DIS3L2: variants seen among roughly 807,000 people sequenced by gnomAD.
DIS3L2 encodes DIS3 like 3'-5' exoribonuclease 2, also known as DIS3-like exonuclease 2.
Under a neutral mutation model 97.5 loss-of-function variants are expected in DIS3L2, and 34 were observed. The observed-to-expected ratio is 0.35, with a 90% confidence interval of 0.27 to 0.46. The LOEUF (loss-of-function observed/expected upper bound fraction) is 0.46. Ranked by LOEUF, DIS3L2 falls within the 20% of genes least tolerant of loss-of-function variation. DIS3L2 has a pLI of 1.00. For synonymous variants in DIS3L2, 435 were observed against 445.2 expected, an observed-to-expected ratio of 0.98 and a Z score of 0.29; for missense variants, 1,038 against 1,146.0, an observed-to-expected ratio of 0.91 and a Z score of 1.36.
intron 13 of DIS3L2, among the ~76,000 whole-genome samples, chr2:232,294,825 C>T (rs1006461375): frequency 1.3e-5 from 2 of 152,104 alleles, no homozygotes; most frequent in African/African-American, 2.4e-5. Context: ...AGGGCTCTTG[C>T]GAGGATTAAA....
chr2:232,301,926 G>T, intron 14 of DIS3L2, among the ~76,000 whole-genome samples: 1 of 145,116 alleles, frequency 6.9e-6, no homozygotes, highest in Non-Finnish European at 1.5e-5. Context: ...CCATCCTCTT[G>T]CCTCAGCCTT....
At chr2:232,259,219 G>A (rs1276440059) in intron 12 of DIS3L2, among the ~76,000 whole-genome samples, 1 of 152,000 alleles carries the variant, frequency 6.6e-6, no homozygotes, top group Non-Finnish European at 1.5e-5. Context: ...TCTCCAATTT[G>A]GTGGTGTTCC....
At chr2:232,188,578 A>G (rs1394905562) in intron 9 of DIS3L2, among the ~76,000 whole-genome samples, 2 of 152,254 alleles carry the variant, frequency 1.3e-5, no homozygotes, top group African/African-American at 4.8e-5. Flanking sequence ...AAGTTAACTC[A>G]AAATGGGTCA....
At chr2:232,340,988 C>A, downstream of DIS3L2, 1 of 466,374 alleles carries the variant, frequency 2.1e-6, no homozygotes, top group Non-Finnish European at 4.4e-6. Flanking sequence ...GGTGAGAAAG[C>A]CATCGTGAAA....
At chr2:232,202,237 A>C (rs1691912030) in intron 9 of DIS3L2, among the ~76,000 whole-genome samples, 1 of 152,164 alleles carries the variant, frequency 6.6e-6, no homozygotes, top group Non-Finnish European at 1.5e-5. Flanking sequence ...ATCTCTACTA[A>C]AAATGCAAAA....
At chr2:232,139,597 T>C (rs1698455472) in intron 8 of DIS3L2, among the ~76,000 whole-genome samples, 2 of 152,148 alleles carry the variant, frequency 1.3e-5, no homozygotes, top group African/African-American at 4.8e-5. Flanking sequence ...GGCTTATCTC[T>C]TTGAGTTCTA....
intron 3 of DIS3L2, among the ~76,000 whole-genome samples, chr2:232,019,454 A>G (rs1694451903): frequency 6.6e-6 from 1 of 152,066 alleles, no homozygotes; most frequent in South Asian, 2.1e-4. Flanking sequence ...AGGCTGAGGC[A>G]GGAGGATCGC....
At chr2:232,012,104 A>G (rs1694216884) in intron 1 of DIS3L2, among the ~76,000 whole-genome samples, 2 of 151,992 alleles carry the variant, frequency 1.3e-5, no homozygotes, top group Admixed American at 1.3e-4. Context: ...TTCTTCCCCC[A>G]TTCTTTGCTG....
chr2:232,141,358 A>G (rs1690034220), intron 8 of DIS3L2, among the ~76,000 whole-genome samples: 1 of 152,194 alleles, frequency 6.6e-6, no homozygotes, highest in South Asian at 2.1e-4. Context: ...TGAGGAACTT[A>G]ATAGTGTTTC....
At chr2:232,283,841 A>G (rs1163126884) in intron 13 of DIS3L2, among the ~76,000 whole-genome samples, 1 of 152,148 alleles carries the variant, frequency 6.6e-6, no homozygotes, top group Non-Finnish European at 1.5e-5. Flanking sequence ...GACAGTCTGT[A>G]TGTAGATTGC....
intron 9 of DIS3L2, among the ~76,000 whole-genome samples, chr2:232,177,069 T>C (rs1691187906): frequency 6.8e-6 from 1 of 147,622 alleles, no homozygotes; most frequent in Non-Finnish European, 1.5e-5. Context: ...GGTTTTTTGT[T>C]CTTGCGATAG....
intron 12 of DIS3L2, among the ~76,000 whole-genome samples, chr2:232,253,571 C>G (rs1226512770): frequency 1.3e-5 from 2 of 151,908 alleles, no homozygotes; most frequent in East Asian, 3.9e-4. Context: ...AAAAGTAACA[C>G]TTAGTATTTA....
chr2:232,132,448 A>G (rs151062582), intron 7 of DIS3L2, among the ~76,000 whole-genome samples: 71 of 152,316 alleles, frequency 4.7e-4, no homozygotes, highest in African/African-American at 1.5e-3. Context: ...CCCTGGAAAA[A>G]ACAAGAGGCA....
chr2:232,094,959 T>C (rs866909949), intron 6 of DIS3L2, among the ~76,000 whole-genome samples: 1 of 152,170 alleles, frequency 6.6e-6, no homozygotes, highest in Admixed American at 6.5e-5. Flanking sequence ...TTATCTGATA[T>C]TAATATAGGT....
At chr2:232,041,434 T>G (rs1015498170) in intron 5 of DIS3L2, among the ~76,000 whole-genome samples, 1 of 152,168 alleles carries the variant, frequency 6.6e-6, no homozygotes, top group Non-Finnish European at 1.5e-5. Context: ...TGTTTTGTTA[T>G]AAGCAGAGTG....
chr2:231,985,071 T>G (rs1427813183), intron 1 of DIS3L2, among the ~76,000 whole-genome samples: 3 of 152,238 alleles, frequency 2.0e-5, no homozygotes, highest in Admixed American at 2.0e-4. Flanking sequence ...TTATTCACAT[T>G]CTACCATTTT....
chr2:232,071,213 G>C (rs1696006984), intron 5 of DIS3L2, among the ~76,000 whole-genome samples: 3 of 152,174 alleles, frequency 2.0e-5, no homozygotes, highest in Admixed American at 1.3e-4. Flanking sequence ...AGATCCTGCT[G>C]TTCTGAGTTG....
chr2:232,055,774 C>T (rs1215145094), intron 5 of DIS3L2, among the ~76,000 whole-genome samples: 1 of 152,106 alleles, frequency 6.6e-6, no homozygotes, highest in Non-Finnish European at 1.5e-5. Context: ...TAAGGAGAGA[C>T]ACATAAGCTA....
intron 9 of DIS3L2, among the ~76,000 whole-genome samples, chr2:232,188,035 G>A (rs1317986393): frequency 4.6e-5 from 7 of 152,048 alleles, no homozygotes; most frequent in African/African-American, 9.7e-5. Context: ...AGCTACTGTG[G>A]AAGCTGAGGT....
Sources: gnomAD v4.1 joint callset for allele counts (sites outside exome capture counted in the v4.1 genomes callset) on GRCh38, gnomAD v4.1.1 for gene constraint, MANE v1.5 for transcripts, NCBI Gene and HGNC (gene_info 2026-07-23, HGNC 2026-07-21) for gene names.